NADSYN1: variants seen among roughly 807,000 people sequenced by gnomAD.
The protein encoded by NADSYN1 is glutamine-dependent NAD(+) synthetase.
Under a neutral mutation model 99.3 loss-of-function variants are expected in NADSYN1, and 80 were observed. The ratio of observed to expected loss-of-function variants is 0.81; its 90% CI spans 0.67 to 0.97. The LOEUF (loss-of-function observed/expected upper bound fraction) is 0.97. Ranked by LOEUF, NADSYN1 falls within the 50% of genes least tolerant of loss-of-function variation. The pLI is 0.00. For missense variants in NADSYN1, 859 were observed against 948.5 expected (o/e 0.91, Z 1.24); for synonymous variants, 385 against 372.1 (o/e 1.03, Z -0.40).
intron 1 of NADSYN1, among the ~76,000 whole-genome samples, chr11:71,453,859 T>TG (rs892409565): frequency 4.6e-5 from 7 of 151,970 alleles, no homozygotes; most frequent in Non-Finnish European, 1.0e-4. Flanking sequence ...CCCAGCATTT[T>TG]GGGGGGGCCG....
In NADSYN1 at chr11:71,464,068, C is replaced by A; in HGVS notation, c.333C>A (p.Ile111=). The A allele has an allele frequency of 6.2e-7, 1 of 1,612,166 alleles. No individual in the cohort carries two copies. The highest frequency in any genetic ancestry group is 1.1e-5 in the South Asian group (1 of 90,498). The change falls in exon 5 of 21, where the codon ATC becomes ATA. Residue 111 remains isoleucine, a synonymous_variant. Transcript: ENST00000319023. ...VIFLNRKILL[I]RPKMALANEG... The stretch of plus-strand genomic sequence containing the variant: ...CTGTCTGCAGGAAGATCCTGCTCAT[C>A]AGACCCAAGATGGCCTTGGCCAATG...
intron 1 of NADSYN1, 107 bp downstream of exon 1, chr11:71,453,488 G>A (rs1327744310): frequency 9.8e-7 from 1 of 1,020,048 alleles, no homozygotes; most frequent in Non-Finnish European, 1.5e-6. Context: ...GGAAACTCTC[G>A]GCCCTGGGCA....
In NADSYN1 at chr11:71,482,511, C is replaced by T. The variant is rs1949715132; in HGVS notation, c.1151-338C>T. On this transcript the variant is annotated intron_variant, in intron 13 of 20. Coordinates refer to ENST00000319023, the MANE Select transcript of NADSYN1 (RefSeq NM_018161.5). ...AGACCGGGGTGCAGCCGCACAGGCA[C>T]CTGGGGGTGTAGACCGGGGTGGAGC... Among the ~76,000 whole-genome samples the T allele has an allele frequency of 2.7e-5, 4 of 150,704 alleles. No individual in the cohort carries two copies. In the East Asian group the frequency reaches 7.9e-4, roughly 30 times the overall value.
chr11:71,457,224 A>G (rs1443565103), intron 2 of NADSYN1, among the ~76,000 whole-genome samples: 1 of 152,266 alleles, frequency 6.6e-6, no homozygotes, highest in Non-Finnish European at 1.5e-5. Flanking sequence ...GACATCTCAG[A>G]ACTCCATTCC....
intron 5 of NADSYN1, among the ~76,000 whole-genome samples, chr11:71,469,944 A>AAAAAAAAAAAAAGG (rs1591125593): frequency 6.6e-6 from 1 of 151,290 alleles, no homozygotes; most frequent in African/African-American, 2.4e-5. Context: ...AAAAAAAAAA[A>AAAAAAAAAAAAAGG]GACGTGTGTT....
chr11:71,457,649 C>T (rs1044011070), intron 2 of NADSYN1, among the ~76,000 whole-genome samples: 4 of 152,182 alleles, frequency 2.6e-5, no homozygotes, highest in African/African-American at 7.2e-5. Flanking sequence ...ATGGCAGCAG[C>T]GTCTGGCTCC....
At chr11:71,464,386 G>T in intron 5 of NADSYN1, 1 of 448,336 alleles carries the variant, frequency 2.2e-6, no homozygotes. Flanking sequence ...CTCAGGGCGC[G>T]GTTACACAAT....
intron 18 of NADSYN1, among the ~76,000 whole-genome samples, chr11:71,495,790 T>C (rs1949814873): frequency 6.6e-6 from 1 of 152,094 alleles, no homozygotes; most frequent in East Asian, 1.9e-4. Context: ...ACACTTAGCG[T>C]CCCCTGGAGG....
chr11:71,476,849 G>T, intron 9 of NADSYN1: 3 of 986,270 alleles, frequency 3.0e-6, no homozygotes, highest in South Asian at 4.7e-5. Flanking sequence ...GTCCTCGGGG[G>T]TCTGTATATT....
At chr11:71,466,318 T>G (rs955169683) in intron 5 of NADSYN1, among the ~76,000 whole-genome samples, 1 of 152,170 alleles carries the variant, frequency 6.6e-6, no homozygotes, top group African/African-American at 2.4e-5. Context: ...GCCCCCATCC[T>G]CAGCCTCTAG....
At chr11:71,456,948 T>C (rs1949518396) in intron 2 of NADSYN1, among the ~76,000 whole-genome samples, 1 of 152,238 alleles carries the variant, frequency 6.6e-6, no homozygotes, top group Admixed American at 6.5e-5. Flanking sequence ...TAGAGCAGGC[T>C]GACTCATGGA....
At position 71,501,451 on chromosome 11, in the gene NADSYN1, A is replaced by G. The variant is rs1309030345; in HGVS notation, c.*99A>G. On this transcript the variant is annotated 3_prime_UTR_variant, in exon 21 of 21. Transcript: ENST00000319023. ...GGTAGGAGCCCTACACTAGGAGCCC[A>G]GGATGGGACGGCGCATCAGCCGAGA... 2 of 1,176,184 alleles carry G rather than the reference A, an allele frequency of 1.7e-6. No individual in the cohort carries two copies. The highest frequency in any genetic ancestry group is 1.4e-5 in the South Asian group (1 of 73,232). The allele number at this position is 1,176,184 out of a possible 1,614,324, so 72.9% of individuals were successfully genotyped here. A position where few individuals can be genotyped will look rare whatever the true frequency, so the allele number is the denominator to read the frequency against.
chr11:71,484,120 C>T (rs1399625149), intron 14 of NADSYN1, among the ~76,000 whole-genome samples, 192 bp from the exon 15 acceptor site: 3 of 152,212 alleles, frequency 2.0e-5, no homozygotes, highest in African/African-American at 7.2e-5. Flanking sequence ...GTTCCCTTCT[C>T]TGGTGATGGG....
At chr11:71,481,222 A>T in intron 11 of NADSYN1, 134 bp from the exon 12 acceptor site, 1 of 888,020 alleles carries the variant, frequency 1.1e-6, no homozygotes. Flanking sequence ...GAGGTGCCTA[A>T]AGCAGAGACG....
intron 2 of NADSYN1, among the ~76,000 whole-genome samples, chr11:71,456,706 A>C (rs991592193): frequency 6.6e-6 from 1 of 152,212 alleles, no homozygotes; most frequent in African/African-American, 2.4e-5. Flanking sequence ...GAGGATGTCT[A>C]ACTAAAGGCC....
Position 71,473,570 on chromosome 11 carries a change from C to A in NADSYN1, c.550C>A (p.Pro184Thr). The change falls in exon 8 of 21, where the codon CCG becomes ACG. Residue 184 changes from proline (P) to threonine (T), a missense_variant and splice_region_variant. Physicochemically the swap from Pro to Thr is conservative, Grantham distance 38 (BLOSUM62 -1). Transcript: ENST00000319023. ...ICEELWTPHSPHIDMGLDGVE... is the reference protein window; with the variant it reads ...ICEELWTPHSTHIDMGLDGVE... ...CTCTTCACCTGCCTCTGCCTGCAGCCCGCACATCGACATGGGCCTGGATGG... is the reference window on the plus strand; with the variant it reads ...CTCTTCACCTGCCTCTGCCTGCAGCACGCACATCGACATGGGCCTGGATGG... 2 of 1,609,120 alleles carry A rather than the reference C, an allele frequency of 1.2e-6. No individual in the cohort carries two copies. The highest frequency in any genetic ancestry group is 8.5e-7 in the Non-Finnish European group (1 of 1,176,934).
At chr11:71,454,898 CGTGT>C in intron 1 of NADSYN1, among the ~76,000 whole-genome samples, 1 of 151,824 alleles carries the variant, frequency 6.6e-6, no homozygotes, top group Non-Finnish European at 1.5e-5. Context: ...CAGGCGTACT[CGTGT>C]ATACAGGTGT....
intron 15 of NADSYN1, chr11:71,485,295 C>T (rs997542610): frequency 1.1e-4 from 37 of 338,344 alleles, no homozygotes; most frequent in African/African-American, 7.9e-4. Context: ...CCTCTGCCCT[C>T]CCGGGCTCTG....
At chr11:71,489,935 C>G (rs1306320817) in intron 16 of NADSYN1, among the ~76,000 whole-genome samples, 1 of 152,150 alleles carries the variant, frequency 6.6e-6, no homozygotes, top group East Asian at 1.9e-4. Context: ...CCAGGAGTCC[C>G]GTGGAGAACC....
Sources: allele counts gnomAD v4.1 joint callset (sites outside exome capture counted in the v4.1 genomes callset), GRCh38; gene constraint gnomAD v4.1.1; transcripts MANE v1.5; gene names NCBI Gene and HGNC (gene_info 2026-07-23, HGNC 2026-07-21).